SIK3: variants seen among roughly 807,000 people sequenced by gnomAD.
SIK3 encodes serine/threonine-protein kinase SIK3.
SIK3 carries 28 observed loss-of-function variants against 144.2 expected under a neutral mutation model. That is an observed-to-expected ratio of 0.19 (90% CI 0.14 to 0.27). SIK3 has a LOEUF of 0.27. SIK3 is among the 10% of genes least tolerant of loss of function. SIK3 has a pLI of 1.00. For synonymous variants in SIK3, 686 were observed against 676.3 expected (o/e 1.01, Z -0.22); for missense variants, 1,319 against 1,776.0 (o/e 0.74, Z 4.62).
chr11:117,005,113 C>A (rs1342212716), intron 1 of SIK3, among the ~76,000 whole-genome samples: 1 of 151,960 alleles, frequency 6.6e-6, no homozygotes, highest in East Asian at 1.9e-4. Context: ...TCAATGAACT[C>A]TTCTCCTTTT....
At chr11:117,001,903 TA>T (rs1164926943) in intron 1 of SIK3, among the ~76,000 whole-genome samples, 2 of 152,136 alleles carry the variant, frequency 1.3e-5, no homozygotes, top group Non-Finnish European at 2.9e-5. Context: ...TCTGTCCACC[TA>T]AAAAAAGAAA....
intron 3 of SIK3, among the ~76,000 whole-genome samples, chr11:116,948,753 C>A (rs1948792401): frequency 6.6e-6 from 1 of 152,040 alleles, no homozygotes; most frequent in East Asian, 1.9e-4. Flanking sequence ...TATTGTTTTT[C>A]TATTCTCTAT....
rs752401131 is a variant in SIK3, at chr11:117,098,182, C to T, written c.234G>A (p.Ala78=). The T allele has an allele frequency of 2.0e-6, 3 of 1,521,250 alleles. No homozygotes were observed. The highest frequency in any genetic ancestry group is 2.6e-6 in the Non-Finnish European group (3 of 1,134,194). 94.2% of individuals were successfully genotyped at this position (1,521,250 alleles called of 1,614,324 possible). The change falls in exon 1 of 25, where the codon GCG becomes GCA. Residue 78 remains alanine, a synonymous_variant. Coordinates refer to ENST00000445177, the MANE Select transcript of SIK3 (RefSeq NM_001366686.3). Reference sequence around the variant, plus strand: ...CGAGGTGCGTGGCCCGCTTGACCACCGCGAAGTTGCCCTTGCCGATGGTGC... The same window carrying T: ...CGAGGTGCGTGGCCCGCTTGACCACTGCGAAGTTGCCCTTGCCGATGGTGC... ...IDRTIGKGNF[A]VVKRATHLVT...
chr11:116,942,238 T>C (rs1200322980), intron 3 of SIK3, among the ~76,000 whole-genome samples: 2 of 152,232 alleles, frequency 1.3e-5, no homozygotes. Context: ...GAGTGCCTAC[T>C]ATATGTTAGA....
intron 4 of SIK3, among the ~76,000 whole-genome samples, chr11:116,897,645 C>T (rs1945482745): frequency 6.6e-6 from 1 of 152,184 alleles, no homozygotes; most frequent in Non-Finnish European, 1.5e-5. Context: ...AATCCCATCA[C>T]TTTGTGAGGC....
chr11:116,962,667 T>C (rs1347746826), intron 1 of SIK3, among the ~76,000 whole-genome samples: 1 of 152,190 alleles, frequency 6.6e-6, no homozygotes, highest in East Asian at 1.9e-4. Flanking sequence ...AACTATTTTA[T>C]GATCTAGATC....
chr11:117,097,052 G>A (rs1262942790), intron 1 of SIK3, among the ~76,000 whole-genome samples: 1 of 152,136 alleles, frequency 6.6e-6, no homozygotes, highest in Non-Finnish European at 1.5e-5. Flanking sequence ...GAGTAAAAAT[G>A]GGCTTTGCGG....
intron 1 of SIK3, among the ~76,000 whole-genome samples, chr11:116,983,585 A>G (rs1250244790): frequency 2.6e-5 from 4 of 152,148 alleles, no homozygotes; most frequent in Non-Finnish European, 5.9e-5. Context: ...TAAGGCAGCT[A>G]TGTAAAATAT....
intron 6 of SIK3, among the ~76,000 whole-genome samples, chr11:116,884,803 CACAA>C (rs72368816): frequency 0.037 from 5,664 of 152,206 alleles, 347 homozygotes; most frequent in African/African-American, 0.13. Flanking sequence ...CACAGTTTTA[CACAA>C]ACAAAGAAAA....
In SIK3 at chr11:117,034,098, A is replaced by G. The variant is rs564251204; in HGVS notation, c.273+64045T>C. Among the ~76,000 whole-genome samples the G allele has an allele frequency of 2.6e-5, 4 of 152,300 alleles. No individual in the cohort carries two copies. In the East Asian group the frequency reaches 7.7e-4, roughly 29 times the overall value. ...AGTAAGCACAAAAAGAAAGCCTAAG[A>G]TTATGGACAGAAAAAAAATTCAAAG... On this transcript the variant is annotated intron_variant, in intron 1 of 24. Transcript: ENST00000445177.
chr11:116,936,455 C>A (rs11493798), intron 3 of SIK3, among the ~76,000 whole-genome samples: 11,036 of 152,144 alleles, frequency 0.073, 489 homozygotes, highest in Middle Eastern at 0.11. Context: ...GGATTACAGG[C>A]GTGAGCCACA....
chr11:116,855,958 G>C (rs1474719559), intron 21 of SIK3, among the ~76,000 whole-genome samples: 1 of 152,202 alleles, frequency 6.6e-6, no homozygotes, highest in Non-Finnish European at 1.5e-5. Flanking sequence ...AGCACTTTGG[G>C]AGGCCAAGGC....
intron 16 of SIK3, among the ~76,000 whole-genome samples, chr11:116,863,045 G>A (rs986127491): frequency 1.3e-5 from 2 of 150,666 alleles, no homozygotes; most frequent in Admixed American, 6.6e-5. Flanking sequence ...CTGCACTCCA[G>A]CCTGGGTGAC....
chr11:116,847,366 G>T, intron 23 of SIK3, 110 bp downstream of exon 23: 1 of 1,448,554 alleles, frequency 6.9e-7, no homozygotes, highest in Non-Finnish European at 9.5e-7. Context: ...GGGATGCTGT[G>T]GCTCTACCTC....
intron 1 of SIK3, among the ~76,000 whole-genome samples, chr11:116,985,293 C>T (rs938581685): frequency 6.6e-6 from 1 of 152,184 alleles, no homozygotes; most frequent in African/African-American, 2.4e-5. Context: ...GGCAAAGTTA[C>T]ATTCTCTATG....
chr11:117,083,255 T>G (rs1954865143), intron 1 of SIK3, among the ~76,000 whole-genome samples: 1 of 151,678 alleles, frequency 6.6e-6, no homozygotes, highest in Non-Finnish European at 1.5e-5. Context: ...TAGGCTAAAA[T>G]CACTGGCTAC....
intron 4 of SIK3, among the ~76,000 whole-genome samples, chr11:116,910,429 A>AT (rs1213926532): frequency 6.6e-6 from 1 of 151,782 alleles, no homozygotes; most frequent in Non-Finnish European, 1.5e-5. Flanking sequence ...TTAAGAATCT[A>AT]TTTTTTTTCT....
At position 116,849,753 on chromosome 11, in the gene SIK3, GAT is replaced by G. The variant is rs1244729591; in HGVS notation, c.3656-472_3656-471del. Among the ~76,000 whole-genome samples, 4 of 152,090 alleles carry G rather than the reference GAT, an allele frequency of 2.6e-5. No individual in the cohort carries two copies. The highest frequency in any genetic ancestry group is 9.6e-5 in the African/African-American group (4 of 41,468). On this transcript the variant is annotated intron_variant, in intron 21 of 24. Coordinates refer to ENST00000445177, the MANE Select transcript of SIK3 (RefSeq NM_001366686.3). The surrounding 1 kb of genome is among the most constrained non-coding windows in gnomAD (Gnocchi z 4.2). ...TCTAACTGCTGCTTCTGACTCCTTTGATGGCCCCTCCACCCTTTCTAAGCAAG... is the reference window on the plus strand; with the variant it reads ...TCTAACTGCTGCTTCTGACTCCTTTGGGCCCCTCCACCCTTTCTAAGCAAG...
chr11:117,084,027 T>G (rs573918907), intron 1 of SIK3, among the ~76,000 whole-genome samples: 21 of 152,326 alleles, frequency 1.4e-4, no homozygotes, highest in South Asian at 4.1e-4. Flanking sequence ...TAATAAAAGA[T>G]TCTATAAAAT....
Sources: gnomAD v4.1 joint callset for allele counts (sites outside exome capture counted in the v4.1 genomes callset) on GRCh38, gnomAD v4.1.1 for gene constraint, Gnocchi (gnomAD v3.1) non-coding constraint, MANE v1.5 for transcripts, NCBI Gene and HGNC (gene_info 2026-07-23, HGNC 2026-07-21) for gene names.